The following MLXIP variants were observed in gnomAD, a reference collection of about 807,000 sequenced individuals.
MLXIP encodes MLX-interacting protein.
MLXIP carries 30 observed loss-of-function variants against 87.2 expected under a neutral mutation model. That is an observed-to-expected ratio of 0.34 (90% CI 0.26 to 0.47). The LOEUF is 0.47. MLXIP is among the 20% of genes least tolerant of loss of function. MLXIP has a pLI of 1.00. For missense variants in MLXIP, 1,002 were observed against 1,240.1 expected, an observed-to-expected ratio of 0.81 and a Z score of 2.88; for synonymous variants, 530 against 514.0, an observed-to-expected ratio of 1.03 and a Z score of -0.42.
intron 7 of MLXIP, among the ~76,000 whole-genome samples, chr12:122,131,242 T>TACC (rs1952972392): frequency 6.6e-6 from 1 of 151,938 alleles, no homozygotes; most frequent in African/African-American, 2.4e-5. Context: ...GATGGGTCCT[T>TACC]GAGCACCTGC....
intron 15 of MLXIP, 54 bp downstream of exon 15, chr12:122,138,992 C>T: frequency 3.1e-6 from 5 of 1,605,998 alleles, no homozygotes; most frequent in Non-Finnish European, 2.6e-6. Flanking sequence ...TGCACTGAAG[C>T]CACAGACCGT....
At chr12:122,122,628 G>A (rs1593098193) in intron 1 of MLXIP, among the ~76,000 whole-genome samples, 1 of 151,600 alleles carries the variant, frequency 6.6e-6, no homozygotes, top group Non-Finnish European at 1.5e-5. Context: ...TGTACTCTCC[G>A]CCTCCCAGGT....
intron 1 of MLXIP, among the ~76,000 whole-genome samples, chr12:122,109,757 A>C (rs1026307721): frequency 2.6e-5 from 4 of 152,232 alleles, no homozygotes; most frequent in African/African-American, 9.6e-5. Flanking sequence ...AAGAGGATGC[A>C]AAGGAGAGAT....
chr12:122,088,232 C>T (rs1261626969), intron 1 of MLXIP, among the ~76,000 whole-genome samples: 5 of 152,144 alleles, frequency 3.3e-5, no homozygotes, highest in Admixed American at 1.3e-4. Context: ...TTGGAGCTTG[C>T]GTTCTGAGTG....
At chr12:122,089,398 T>A (rs1277642153) in intron 1 of MLXIP, among the ~76,000 whole-genome samples, 1 of 152,254 alleles carries the variant, frequency 6.6e-6, no homozygotes, top group Non-Finnish European at 1.5e-5. Context: ...TAAAACAGTA[T>A]ATAATTATCC....
rs761239094 is a variant in MLXIP, at chr12:122,128,830, C to T, written c.607-307C>T. 2.1e-5 allele frequency: 6 copies of T among 292,612 alleles called. No individual in the cohort carries two copies. The South Asian group carries it at 2.5e-4, about 12-fold the overall frequency. The allele number at this position is 292,612 out of a possible 1,614,324, so 18.1% of individuals were successfully genotyped here. Reference sequence around the variant, plus strand: ...TGGGGGGGCTTGGGAATTGCTGCAGCGTTCCCCTGCTTCTTCCTCTGTGGA... The same window carrying T: ...TGGGGGGGCTTGGGAATTGCTGCAGTGTTCCCCTGCTTCTTCCTCTGTGGA... On this transcript the variant is annotated intron_variant, in intron 3 of 16. Transcript: ENST00000319080.
Position 122,135,597 on chromosome 12 carries a change from G to C in MLXIP, c.1963G>C (p.Asp655His). Residue 655 changes from aspartate (D) to histidine (H), a missense_variant, in exon 11 of 17, where the codon GAC becomes CAC. By Grantham distance (81) the Asp-to-His change is moderately conservative. Coordinates refer to ENST00000319080, the MANE Select transcript of MLXIP (RefSeq NM_014938.6). The surrounding 1 kb of genome is among the most constrained non-coding windows in gnomAD (Gnocchi z 5.3). ...VSRLFPSTAQ[D>H]PLGKGEQVPL... ...CCGGCTCTTCCCAAGCACAGCGCAA[G>C]ACCCCCTGGGGAAGGGCGAGCAGGT... The C allele has an allele frequency of 6.3e-7, 1 of 1,585,266 alleles. No homozygotes were observed. Among genetic ancestry groups the C allele is most frequent in the East Asian group, 2.3e-5 (1 of 43,668 alleles).
intron 1 of MLXIP, among the ~76,000 whole-genome samples, chr12:122,085,205 C>T (rs966418288): frequency 2.6e-5 from 4 of 152,076 alleles, no homozygotes; most frequent in African/African-American, 7.2e-5. Flanking sequence ...GCATGAACAT[C>T]GCATCCCCCT....
At chr12:122,128,053 G>A in intron 3 of MLXIP, 85 bp downstream of exon 3, 7 of 1,172,140 alleles carry the variant, frequency 6.0e-6, no homozygotes, top group Non-Finnish European at 8.8e-6. Context: ...TGGTCCTGTA[G>A]GAGAGGCTGC....
intron 13 of MLXIP, 52 bp from the exon 14 acceptor site, chr12:122,138,372 G>A: frequency 1.2e-6 from 2 of 1,611,330 alleles, no homozygotes; most frequent in East Asian, 2.2e-5. Flanking sequence ...CATTGCTGGT[G>A]GCAGGCCTGC....
In MLXIP at chr12:122,130,840, G is replaced by A. The variant is rs755817957; in HGVS notation, c.911-4G>A. The A allele has an allele frequency of 1.2e-6, 2 of 1,609,826 alleles. No individual in the cohort carries two copies. Among genetic ancestry groups the A allele is most frequent in the South Asian group, 2.2e-5 (2 of 90,976 alleles). On this transcript the variant is annotated splice_polypyrimidine_tract_variant and splice_region_variant and intron_variant, in intron 6 of 16. Transcript: ENST00000319080. Reference sequence around the variant, plus strand: ...AATGGTTCCTCTCTCTGTGATTCTTGCAGCACATCTGGGAAATGCAGACAT... The same window carrying A: ...AATGGTTCCTCTCTCTGTGATTCTTACAGCACATCTGGGAAATGCAGACAT...
chr12:122,089,519 CTCTT>C (rs1398182450), intron 1 of MLXIP, among the ~76,000 whole-genome samples: 1 of 152,190 alleles, frequency 6.6e-6, no homozygotes, highest in African/African-American at 2.4e-5. Context: ...AAGCAGAAAA[CTCTT>C]TCATCCGTTT....
In MLXIP at chr12:122,142,098, C is replaced by A; in HGVS notation, c.*286C>A. The A allele has an allele frequency of 2.9e-6, 2 of 696,436 alleles. No individual in the cohort carries two copies. 43.1% of individuals were successfully genotyped at this position (696,436 alleles called of 1,614,324 possible). On this transcript the variant is annotated 3_prime_UTR_variant, in exon 17 of 17. Transcript: ENST00000319080. ...GGGCAGCCCACACAAAAGGGAAGTG[C>A]TGGCCGTGCTGGTCCTGCCCTGCTG...
At chr12:122,096,623 C>T (rs868170633) in intron 1 of MLXIP, among the ~76,000 whole-genome samples, 33 of 152,306 alleles carry the variant, frequency 2.2e-4, no homozygotes, top group Middle Eastern at 3.4e-3. Context: ...ATTCTGAGTC[C>T]GGGAGTGGAA....
At chr12:122,116,535 G>A (rs1032053916) in intron 1 of MLXIP, among the ~76,000 whole-genome samples, 8 of 152,170 alleles carry the variant, frequency 5.3e-5, no homozygotes, top group African/African-American at 1.7e-4. Context: ...TCTCCAGTCC[G>A]GAGGAGCACC....
Position 122,094,850 on chromosome 12 carries a change from C to T in MLXIP, c.413+15584C>T, listed in dbSNP as rs1472372952. Among the ~76,000 whole-genome samples the T allele has an allele frequency of 5.6e-5, 6 of 107,044 alleles. No individual in the cohort carries two copies. In the East Asian group the frequency reaches 1.9e-3, roughly 34 times the overall value. 70.2% of individuals were successfully genotyped at this position (107,044 alleles called of 152,430 possible). A position where few individuals can be genotyped will look rare whatever the true frequency, so the allele number is the denominator to read the frequency against. ...TGTGTGTGGGGTGTGGGTGTGTTTGCAGTGTTTCTATGGTGTGGTGTTGGT... is the reference window on the plus strand; with the variant it reads ...TGTGTGTGGGGTGTGGGTGTGTTTGTAGTGTTTCTATGGTGTGGTGTTGGT... On this transcript the variant is annotated intron_variant, in intron 1 of 16. Coordinates refer to ENST00000319080, the MANE Select transcript of MLXIP (RefSeq NM_014938.6).
rs1479031847 is a variant in MLXIP, at chr12:122,146,995, G to T, written c.*5183G>T. On this transcript the variant is annotated 3_prime_UTR_variant, in exon 17 of 17. Coordinates refer to ENST00000319080, the MANE Select transcript of MLXIP (RefSeq NM_014938.6). The stretch of plus-strand genomic sequence containing the variant: ...GCCGAATCTTTTTCGAACAGCCCGG[G>T]AAAGGAAAACGGATTCACTTGCTGA... The T allele has an allele frequency of 6.6e-6, 1 of 152,226 alleles. No individual in the cohort carries two copies. Among genetic ancestry groups the T allele is most frequent in the Non-Finnish European group, 1.5e-5 (1 of 68,046 alleles). 9.4% of individuals were successfully genotyped at this position (152,226 alleles called of 1,614,324 possible). A position where few individuals can be genotyped will look rare whatever the true frequency, so the allele number is the denominator to read the frequency against.
At chr12:122,141,146 G>T (rs1953195050) in intron 16 of MLXIP, 63 bp downstream of exon 16, 2 of 1,538,868 alleles carry the variant, frequency 1.3e-6, no homozygotes, top group South Asian at 1.2e-5. Context: ...ACAGCCCCAG[G>T]CTGAGGACAG....
In MLXIP at chr12:122,145,986, CT is replaced by C. The variant is rs1437959907; in HGVS notation, c.*4175del. ...CAGCCTGGGTGTGAGTTGAGCCTCT[CT>C]CTTTTCCCTCTGGTGGGAAAGTGGC... On this transcript the variant is annotated 3_prime_UTR_variant, in exon 17 of 17. Coordinates refer to ENST00000319080, the MANE Select transcript of MLXIP (RefSeq NM_014938.6). 6.6e-6 allele frequency: 1 copy of C among 152,362 alleles called. No homozygotes were observed. The highest frequency in any genetic ancestry group is 1.5e-5 in the Non-Finnish European group (1 of 68,158). The allele number at this position is 152,362 out of a possible 1,614,324, so 9.4% of individuals were successfully genotyped here. A position where few individuals can be genotyped will look rare whatever the true frequency, so the allele number is the denominator to read the frequency against.
Sources: allele counts gnomAD v4.1 joint callset (sites outside exome capture counted in the v4.1 genomes callset), GRCh38; gene constraint gnomAD v4.1.1; non-coding constraint Gnocchi (gnomAD v3.1); transcripts MANE v1.5; gene names NCBI Gene and HGNC (gene_info 2026-07-23, HGNC 2026-07-21).